ZBBX: variants seen among roughly 807,000 people sequenced by gnomAD.
ZBBX encodes zinc finger B-box domain containing.
ZBBX carries 101 observed loss-of-function variants against 108.5 expected under a neutral mutation model. The ratio of observed to expected loss-of-function variants is 0.93; its 90% CI spans 0.79 to 1.10. The LOEUF is 1.10. Among genes scored for constraint, ZBBX ranks in the 50% least tolerant of loss-of-function variants. ZBBX has a pLI of 0.00. For missense variants in ZBBX, 1,009 were observed against 941.4 expected, an observed-to-expected ratio of 1.07 and a Z score of -0.94; for synonymous variants, 356 against 323.4, an observed-to-expected ratio of 1.10 and a Z score of -1.08.
chr3:167,288,726 G>T (rs957800206), intron 19 of ZBBX, 141 bp downstream of exon 19: 10 of 441,026 alleles, frequency 2.3e-5, no homozygotes, highest in African/African-American at 7.9e-5. Context: ...GAAAAGTCGA[G>T]GACATTTAGT....
At chr3:167,186,979 G>A in the ZBBX span, among the ~76,000 whole-genome samples, 1 of 152,110 alleles carries the variant, frequency 6.6e-6, no homozygotes. Flanking sequence ...AGCATCACCT[G>A]CAATAGGAAT....
the ZBBX span, among the ~76,000 whole-genome samples, chr3:167,179,934 C>T: frequency 0.013 from 2,042 of 152,248 alleles, 22 homozygotes; most frequent in South Asian, 0.026. Flanking sequence ...TAAAGGCTTG[C>T]GGTATTTTTG....
intron 20 of ZBBX, among the ~76,000 whole-genome samples, chr3:167,272,475 C>T (rs941064820): frequency 6.6e-6 from 1 of 152,076 alleles, no homozygotes; most frequent in African/African-American, 2.4e-5. Context: ...AACTGCAGTC[C>T]GGACAGCAGA....
At chr3:167,278,642 T>C (rs1160269915) in intron 20 of ZBBX, among the ~76,000 whole-genome samples, 2 of 151,666 alleles carry the variant, frequency 1.3e-5, no homozygotes, top group East Asian at 1.9e-4. Flanking sequence ...CAGGACCAGA[T>C]GGATTCACAG....
At chr3:167,348,260 AG>A (rs1741868864) in intron 9 of ZBBX, among the ~76,000 whole-genome samples, 1 of 85,782 alleles carries the variant, frequency 1.2e-5, no homozygotes. Context: ...GGAGGGTGGA[AG>A]GGAAGGAAGG....
intron 19 of ZBBX, among the ~76,000 whole-genome samples, chr3:167,284,053 GA>G (rs1729280304): frequency 6.6e-6 from 1 of 151,930 alleles, no homozygotes; most frequent in Non-Finnish European, 1.5e-5. Context: ...GAAAATTTCA[GA>G]AATCAATTTT....
At chr3:167,341,374 G>A (rs1160384840) in intron 9 of ZBBX, among the ~76,000 whole-genome samples, 9 of 151,474 alleles carry the variant, frequency 5.9e-5, no homozygotes, top group Middle Eastern at 3.4e-3. Context: ...AAAATAACAC[G>A]AAAATAATGA....
intron 1 of ZBBX, chr3:167,392,931 T>C (rs995795092): frequency 6.6e-6 from 1 of 151,926 alleles, no homozygotes; most frequent in Admixed American, 6.6e-5. Flanking sequence ...AAATATAAAC[T>C]TGGGAATAAT....
At position 167,322,153 on chromosome 3, in the gene ZBBX, G is replaced by T; in HGVS notation, c.947C>A (p.Ser316Tyr). The change falls in exon 12 of 22, where the codon TCC becomes TAC. Residue 316 changes from serine to tyrosine, a missense_variant. Ser to Tyr is a moderately radical substitution (Grantham distance 144). Transcript: ENST00000675490. Reference protein sequence around the residue: ...LNIELKEDILSYMEKLWLKKH... With the variant: ...LNIELKEDILYYMEKLWLKKH... ...TTTAAGCCATAATTTTTCCATATAG[G>T]ATAGAATGTCTTCTTTAAGTTCAAT... 1 of 1,420,446 alleles carries T rather than the reference G, an allele frequency of 7.0e-7. No homozygotes were observed. The highest frequency in any genetic ancestry group is 9.4e-7 in the Non-Finnish European group (1 of 1,066,976). The allele number at this position is 1,420,446 out of a possible 1,614,324, so 88.0% of individuals were successfully genotyped here.
the ZBBX span, among the ~76,000 whole-genome samples, chr3:167,178,720 C>T: frequency 7.9e-5 from 12 of 152,188 alleles, no homozygotes; most frequent in South Asian, 6.2e-4. Context: ...TTTTTGTTAT[C>T]GGATCTCTCC....
At chr3:167,206,074 T>C in the ZBBX span, among the ~76,000 whole-genome samples, 5 of 152,056 alleles carry the variant, frequency 3.3e-5, no homozygotes, top group Admixed American at 6.6e-5. Context: ...CCTTATTTGG[T>C]TTATCAGATT....
the ZBBX span, among the ~76,000 whole-genome samples, chr3:167,219,969 A>C: frequency 5.3e-4 from 80 of 152,136 alleles, no homozygotes; most frequent in South Asian, 0.016. Context: ...ACTATGAGGA[A>C]CAATGTGCCA....
intron 4 of ZBBX, chr3:167,368,871 T>C (rs779436246): frequency 1.1e-4 from 37 of 328,792 alleles, no homozygotes; most frequent in Non-Finnish European, 1.5e-4. Context: ...CAAATATCTA[T>C]GACATACAAA....
At chr3:167,293,155 A>G (rs1343441853) in intron 18 of ZBBX, among the ~76,000 whole-genome samples, 1 of 152,236 alleles carries the variant, frequency 6.6e-6, no homozygotes, top group Non-Finnish European at 1.5e-5. Context: ...TTCTGAAACT[A>G]TTCCAAACAA....
In ZBBX at chr3:167,397,142, T is replaced by TAAAAAAAAAAAAAAAAAA. The variant is rs61671930; in HGVS notation, c.-446+10566_-446+10583dup. Among the ~76,000 whole-genome samples, 54 of 72,412 alleles carry TAAAAAAAAAAAAAAAAAA rather than the reference T, an allele frequency of 7.5e-4. 2 individuals are homozygous for TAAAAAAAAAAAAAAAAAA. Among genetic ancestry groups the TAAAAAAAAAAAAAAAAAA allele is most frequent in the African/African-American group, 2.5e-3 (47 of 18,712 alleles). 47.5% of individuals were successfully genotyped at this position (72,412 alleles called of 152,430 possible). A position where few individuals can be genotyped will look rare whatever the true frequency, so the allele number is the denominator to read the frequency against. On this transcript the variant is annotated intron_variant, in intron 1 of 21. Transcript: ENST00000455345. The stretch of plus-strand genomic sequence containing the variant: ...GTCGTGAAGAAGAGGTTCTTGGTGG[T>TAAAAAAAAAAAAAAAAAA]AAAAAAAAAAAAAAAAAAAAAAAAT...
At chr3:167,192,678 C>A in the ZBBX span, among the ~76,000 whole-genome samples, 8 of 152,020 alleles carry the variant, frequency 5.3e-5, no homozygotes, top group Non-Finnish European at 1.0e-4. Context: ...TCTTTTTTCC[C>A]TGACTATGCA....
At chr3:167,358,431 G>A (rs951696447) in intron 8 of ZBBX, among the ~76,000 whole-genome samples, 11 of 152,096 alleles carry the variant, frequency 7.2e-5, no homozygotes, top group Admixed American at 7.2e-4. Flanking sequence ...TTTGCAAGAT[G>A]AAAACAGTTC....
intron 9 of ZBBX, 57 bp downstream of exon 9, chr3:167,350,363 T>A: frequency 7.3e-7 from 1 of 1,373,860 alleles, no homozygotes; most frequent in Non-Finnish European, 1.0e-6. Context: ...TTTAAATGTC[T>A]TTATGTGGAA....
chr3:167,178,588 G>A, the ZBBX span, among the ~76,000 whole-genome samples: 8 of 151,988 alleles, frequency 5.3e-5, no homozygotes, highest in Non-Finnish European at 1.2e-4. Context: ...TCTCTTCTTC[G>A]GCATCTGGCT....
Sources: allele counts gnomAD v4.1 joint callset (sites outside exome capture counted in the v4.1 genomes callset), GRCh38; gene constraint gnomAD v4.1.1; transcripts MANE v1.5; gene names NCBI Gene and HGNC (gene_info 2026-07-23, HGNC 2026-07-21).